VPS37C: variants seen among roughly 807,000 people sequenced by gnomAD.
The protein encoded by VPS37C is vacuolar protein sorting-associated protein 37C.
VPS37C carries 9 observed loss-of-function variants against 16.1 expected under a neutral mutation model. That is an observed-to-expected ratio of 0.56 (90% CI 0.34 to 0.97). VPS37C has a LOEUF of 0.97. Among genes scored for constraint, VPS37C ranks in the 50% least tolerant of loss-of-function variants. The pLI, the probability that VPS37C is intolerant of heterozygous loss-of-function variation, is 0.02. For missense variants in VPS37C, 479 were observed against 472.7 expected, an observed-to-expected ratio of 1.01 and a Z score of -0.12; for synonymous variants, 207 against 206.4, an observed-to-expected ratio of 1.00 and a Z score of -0.02.
chr11:61,158,693 G>A (rs548848162), intron 1 of VPS37C, among the ~76,000 whole-genome samples: 1 of 152,314 alleles, frequency 6.6e-6, no homozygotes, highest in East Asian at 1.9e-4. Context: ...TCTGTTTGAG[G>A]TTCACTGGGG....
chr11:61,141,145 G>C (rs1429665732), intron 1 of VPS37C, among the ~76,000 whole-genome samples: 1 of 152,220 alleles, frequency 6.6e-6, no homozygotes, highest in African/African-American at 2.4e-5. Context: ...AAGGTAGGCA[G>C]ATCACCTGAG....
intron 3 of VPS37C, 89 bp from the exon 4 acceptor site, chr11:61,133,426 G>C: frequency 7.5e-7 from 1 of 1,338,620 alleles, no homozygotes; most frequent in Non-Finnish European, 1.0e-6. Flanking sequence ...TGTGCATCCA[G>C]GCCCAGCCAC....
intron 1 of VPS37C, among the ~76,000 whole-genome samples, chr11:61,151,198 C>T (rs1853293508): frequency 6.6e-6 from 1 of 152,202 alleles, no homozygotes; most frequent in Non-Finnish European, 1.5e-5. Context: ...TGGGGACCAA[C>T]TTCATCAATG....
chr11:61,148,954 T>G (rs1292715858), intron 1 of VPS37C, among the ~76,000 whole-genome samples: 4 of 152,164 alleles, frequency 2.6e-5, no homozygotes, highest in Non-Finnish European at 5.9e-5. Context: ...GGGTTGGAGA[T>G]TCCTCCCACC....
intron 1 of VPS37C, among the ~76,000 whole-genome samples, chr11:61,160,855 T>C (rs1440315974): frequency 6.6e-6 from 1 of 152,204 alleles, no homozygotes; most frequent in Non-Finnish European, 1.5e-5. Flanking sequence ...GGTCCAAGTC[T>C]GAGTCCTGAA....
At chr11:61,157,351 C>T (rs1352610398) in intron 1 of VPS37C, among the ~76,000 whole-genome samples, 1 of 152,214 alleles carries the variant, frequency 6.6e-6, no homozygotes, top group African/African-American at 2.4e-5. Flanking sequence ...TACATTCCCA[C>T]CAGAAAAGCA....
At chr11:61,152,784 A>C (rs1853316518) in intron 1 of VPS37C, among the ~76,000 whole-genome samples, 1 of 152,338 alleles carries the variant, frequency 6.6e-6, no homozygotes, top group South Asian at 2.1e-4. Context: ...CCTGCCCGGC[A>C]AGGAATTCGC....
chr11:61,159,286 C>T (rs1853425862), intron 1 of VPS37C, among the ~76,000 whole-genome samples: 1 of 152,196 alleles, frequency 6.6e-6, no homozygotes, highest in African/African-American at 2.4e-5. Context: ...CCCAAACTTG[C>T]CTTACCGTAA....
At chr11:61,148,418 C>T (rs1237143951) in intron 1 of VPS37C, among the ~76,000 whole-genome samples, 2 of 152,142 alleles carry the variant, frequency 1.3e-5, no homozygotes, top group African/African-American at 4.8e-5. Context: ...CATCTTACCC[C>T]GTATGTCAGA....
chr11:61,151,874 C>T (rs1465340239), intron 1 of VPS37C, among the ~76,000 whole-genome samples: 2 of 152,200 alleles, frequency 1.3e-5, no homozygotes, highest in East Asian at 3.8e-4. Flanking sequence ...ACAGTAAAGC[C>T]AAGCCACTCG....
intron 2 of VPS37C, 35 bp from the exon 3 acceptor site, chr11:61,134,242 G>A (rs761486433): frequency 1.5e-5 from 24 of 1,591,798 alleles, no homozygotes; most frequent in East Asian, 2.3e-5. Flanking sequence ...TAAGGAAAAC[G>A]TCCATCACCC....
Position 61,131,719 on chromosome 11 carries a change from G to A in VPS37C, c.*101C>T, listed in dbSNP as rs915508099. The A allele has an allele frequency of 4.1e-6, 5 of 1,229,734 alleles. No individual in the cohort carries two copies. The highest frequency in any genetic ancestry group is 6.2e-4 in the Middle Eastern group (2 of 3,232). The allele number at this position is 1,229,734 out of a possible 1,614,324, so 76.2% of individuals were successfully genotyped here. A position where few individuals can be genotyped will look rare whatever the true frequency, so the allele number is the denominator to read the frequency against. ...GGGTGCCGACGCAAGTCCACAGGGA[G>A]CACCAACGCCACTTCCAGTTGACCC... On this transcript the variant is annotated 3_prime_UTR_variant, in exon 5 of 5. Coordinates refer to ENST00000301765, the MANE Select transcript of VPS37C (RefSeq NM_017966.5).
rs760267596 is a variant in VPS37C, at chr11:61,132,513, G to A, written c.375C>T (p.Gly125=). ...SEAMAEKFLE[G]EVPLETFLEN... ...CCAGGAACGTTTCCAGGGGCACCTC[G>A]CCCTCCAGGAACTTCTCAGCCATGG... The change falls in exon 5 of 5, where the codon GGC becomes GGT. Residue 125 remains glycine, a synonymous_variant. Transcript: ENST00000301765. The A allele has an allele frequency of 4.4e-6, 7 of 1,606,788 alleles. No homozygotes were observed. The highest frequency in any genetic ancestry group is 1.3e-5 in the African/African-American group (1 of 74,780).
intron 1 of VPS37C, among the ~76,000 whole-genome samples, chr11:61,154,719 C>T (rs1461320846): frequency 6.6e-6 from 1 of 152,068 alleles, no homozygotes; most frequent in Non-Finnish European, 1.5e-5. Context: ...ACCCACAAAT[C>T]CAAAAAACTC....
intron 1 of VPS37C, among the ~76,000 whole-genome samples, chr11:61,151,894 CTTCT>C (rs947451802): frequency 9.2e-5 from 14 of 152,232 alleles, no homozygotes; most frequent in African/African-American, 3.4e-4. Context: ...GGCAAGGCCT[CTTCT>C]TTCTTTGGCC....
At chr11:61,153,091 A>T (rs904362728) in intron 1 of VPS37C, among the ~76,000 whole-genome samples, 3 of 152,238 alleles carry the variant, frequency 2.0e-5, no homozygotes, top group Admixed American at 6.5e-5. Context: ...AACACTGGGC[A>T]CATATAAGGT....
chr11:61,153,191 A>T (rs1425119156), intron 1 of VPS37C, among the ~76,000 whole-genome samples: 1 of 152,156 alleles, frequency 6.6e-6, no homozygotes, highest in Non-Finnish European at 1.5e-5. Flanking sequence ...ACCTAGTGGG[A>T]GGTGATTAGA....
At position 61,131,657 on chromosome 11, in the gene VPS37C, G is replaced by T; in HGVS notation, c.*163C>A. 2 of 1,039,614 alleles carry T rather than the reference G, an allele frequency of 1.9e-6. No individual in the cohort carries two copies. Among genetic ancestry groups the T allele is most frequent in the Non-Finnish European group, 2.5e-6 (2 of 813,054 alleles). 64.4% of individuals were successfully genotyped at this position (1,039,614 alleles called of 1,614,324 possible). A position where few individuals can be genotyped will look rare whatever the true frequency, so the allele number is the denominator to read the frequency against. On this transcript the variant is annotated 3_prime_UTR_variant, in exon 5 of 5. Transcript: ENST00000301765. ...AGAAGGCCAGCAAGTGCCATGACCA[G>T]TCACACCGCCCAGTGCCTTGTCCCT...
Position 61,131,901 on chromosome 11 carries a change from G to A in VPS37C, c.987C>T (p.Pro329=), listed in dbSNP as rs1363622903. The change falls in exon 5 of 5, where the codon CCC becomes CCT. Residue 329 remains proline, a synonymous_variant. Transcript: ENST00000301765. The part of the protein sequence containing the change: ...SFPGQPQPSV[P]LQPPYPPGPA... ...GCCCGGGGGGATAAGGGGGCTGCAG[G>A]GGCACTGAGGGCTGGGGCTGGCCTG... 2.3e-6 allele frequency: 3 copies of A among 1,285,346 alleles called. No individual in the cohort carries two copies. Among genetic ancestry groups the A allele is most frequent in the Non-Finnish European group, 3.0e-6 (3 of 1,010,036 alleles). 79.6% of individuals were successfully genotyped at this position (1,285,346 alleles called of 1,614,324 possible). A position where few individuals can be genotyped will look rare whatever the true frequency, so the allele number is the denominator to read the frequency against.
Sources: allele counts gnomAD v4.1 joint callset (sites outside exome capture counted in the v4.1 genomes callset), GRCh38; gene constraint gnomAD v4.1.1; transcripts MANE v1.5; gene names NCBI Gene and HGNC (gene_info 2026-07-23, HGNC 2026-07-21).